Variants in AMMECR1 observed in about 807,000 individuals in gnomAD.
AMMECR1 encodes the protein AMMECR nuclear protein 1, also known as nuclear protein AMMECR1.
A neutral mutation model predicts 22.5 loss-of-function variants in AMMECR1; 3 were observed. The observed-to-expected ratio is 0.13, with a 90% confidence interval of 0.06 to 0.35. The LOEUF (loss-of-function observed/expected upper bound fraction) is 0.35, where lower values mean the gene tolerates loss of function less well. AMMECR1 is among the 10% of genes least tolerant of loss of function. The pLI is 1.00. For synonymous variants in AMMECR1, 130 were observed against 116.7 expected, an observed-to-expected ratio of 1.11 and a Z score of -0.74; for missense variants, 235 against 278.7, an observed-to-expected ratio of 0.84 and a Z score of 1.12.
chrX:110,379,756 A>G (rs2068405513), intron 2 of AMMECR1, among the ~76,000 whole-genome samples: 1 of 112,227 alleles, frequency 8.9e-6, no homozygotes, highest in East Asian at 2.8e-4. Flanking sequence ...AGACTTCCCA[A>G]TACCGATGAA....
chrX:110,229,887 G>A (rs1341827605), intron 2 of AMMECR1, among the ~76,000 whole-genome samples: 1 of 112,812 alleles, frequency 8.9e-6, no homozygotes, highest in Non-Finnish European at 1.9e-5. Context: ...CCACGCCCAC[G>A]GAGCCTTGCT....
At chrX:110,288,656 G>C (rs1016738603) in intron 1 of AMMECR1, among the ~76,000 whole-genome samples, 1 of 111,816 alleles carries the variant, frequency 8.9e-6, no homozygotes, top group Non-Finnish European at 1.9e-5. Context: ...TGAGCCTCTA[G>C]ATCACCACCC....
intron 2 of AMMECR1, among the ~76,000 whole-genome samples, chrX:110,420,891 G>A (rs916701054): frequency 9.0e-5 from 10 of 111,488 alleles, no homozygotes; most frequent in Non-Finnish European, 1.9e-4. Context: ...CTGCCCTACT[G>A]TGCCCCGTCC....
In AMMECR1 at chrX:110,299,153, T is replaced by C. The variant is rs189868544; in HGVS notation, c.473+18446A>G. ...GATGTTTTCTTTGCATTATAAACTA[T>C]GCAGTAACTCAAAAAGTGATACAAA... is the stretch of plus-strand genomic sequence containing the variant. On this transcript the variant is annotated intron_variant, in intron 1 of 5. Transcript: ENST00000262844. 3.8e-3 allele frequency among the ~76,000 whole-genome samples: 429 copies of C among 111,867 alleles called. 3 individuals carry two copies. The highest frequency in any genetic ancestry group is 0.013 in the African/African-American group (387 of 30,905).
chrX:110,301,408 G>A (rs769387579), intron 1 of AMMECR1, among the ~76,000 whole-genome samples: 2 of 112,539 alleles, frequency 1.8e-5, no homozygotes, highest in African/African-American at 6.4e-5. Flanking sequence ...CAGATACAGT[G>A]CTAAACAATT....
chrX:110,248,211 C>A, intron 2 of AMMECR1, among the ~76,000 whole-genome samples: 1 of 109,967 alleles, frequency 9.1e-6, no homozygotes, highest in Non-Finnish European at 1.9e-5. Context: ...ATGGCGAAAC[C>A]CTGTCTCTAC....
chrX:110,209,878 C>A (rs1298461501), intron 3 of AMMECR1, among the ~76,000 whole-genome samples: 1 of 109,598 alleles, frequency 9.1e-6, no homozygotes. Flanking sequence ...TGGGGACACA[C>A]ACACACACAC....
intron 1 of AMMECR1, among the ~76,000 whole-genome samples, chrX:110,299,585 A>G (rs1256558775): frequency 8.9e-6 from 1 of 112,071 alleles, no homozygotes; most frequent in Admixed American, 9.4e-5. Flanking sequence ...ATGTATACAC[A>G]CTGTGTATTA....
chrX:110,251,936 T>C (rs1256706282), intron 2 of AMMECR1, among the ~76,000 whole-genome samples: 3 of 112,015 alleles, frequency 2.7e-5, no homozygotes, highest in African/African-American at 9.7e-5. Context: ...TTGCTATAAA[T>C]ATATTTAAAA....
At chrX:110,241,532 C>T (rs973062044) in intron 2 of AMMECR1, among the ~76,000 whole-genome samples, 1 of 111,278 alleles carries the variant, frequency 9.0e-6, no homozygotes, top group Non-Finnish European at 1.9e-5. Context: ...AAACTGGAAA[C>T]CATCATTGTC....
intron 1 of AMMECR1, among the ~76,000 whole-genome samples, chrX:110,271,281 T>A (rs978990212): frequency 8.9e-6 from 1 of 112,527 alleles, no homozygotes; most frequent in Admixed American, 9.4e-5. Flanking sequence ...GACCAATCTT[T>A]CAATACTTTT....
chrX:110,317,758 G>T lies in AMMECR1; in HGVS notation c.314C>A (p.Ser105Tyr). The T allele has an allele frequency of 1.7e-6, 2 of 1,187,154 alleles. No individual in the cohort carries two copies. The highest frequency in any genetic ancestry group is 2.3e-6 in the Non-Finnish European group (2 of 882,533). ...GGCGGACGATGAGGAGGGTGAGGAA[G>T]AGGTGGCGGCGGCCGGGGTAGAAAG... ...TLLSTPAAATSSSPSSSSAAS... is the reference protein window; with the variant it reads ...TLLSTPAAATYSSPSSSSAAS... Residue 105 changes from serine (S) to tyrosine (Y), a missense_variant, in exon 1 of 6, where the codon TCT becomes TAT. Coordinates refer to ENST00000262844, the MANE Select transcript of AMMECR1 (RefSeq NM_015365.3).
chrX:110,205,639 T>G (rs1011143657), intron 3 of AMMECR1, among the ~76,000 whole-genome samples: 1 of 111,497 alleles, frequency 9.0e-6, no homozygotes, highest in African/African-American at 3.3e-5. Context: ...TACAGCCAGG[T>G]GGGTACAAAC....
At chrX:110,431,490 A>G (rs1489363264) in intron 1 of AMMECR1, among the ~76,000 whole-genome samples, 2 of 110,026 alleles carry the variant, frequency 1.8e-5, no homozygotes, top group African/African-American at 6.6e-5. Flanking sequence ...TTTTCTTTAT[A>G]TAAACAATTT....
At chrX:110,400,874 T>C (rs768288247) in intron 2 of AMMECR1, among the ~76,000 whole-genome samples, 1 of 111,859 alleles carries the variant, frequency 8.9e-6, no homozygotes, top group Non-Finnish European at 1.9e-5. Flanking sequence ...ATGTGGTAAA[T>C]GAATCAATGA....
chrX:110,288,946 T>C (rs756235675), intron 1 of AMMECR1, among the ~76,000 whole-genome samples: 1 of 111,761 alleles, frequency 8.9e-6, no homozygotes, highest in South Asian at 3.8e-4. Flanking sequence ...ACTCCACTCT[T>C]CTCTCTCTTG....
intron 2 of AMMECR1, among the ~76,000 whole-genome samples, chrX:110,386,130 C>A (rs2068453270): frequency 9.1e-6 from 1 of 110,203 alleles, no homozygotes; most frequent in African/African-American, 3.3e-5. Flanking sequence ...GTTTTTAAAT[C>A]TCTTGGGTAT....
intron 2 of AMMECR1, among the ~76,000 whole-genome samples, chrX:110,412,193 G>A (rs1203246031): frequency 8.9e-6 from 1 of 112,427 alleles, no homozygotes; most frequent in Non-Finnish European, 1.9e-5. Flanking sequence ...AGAATCTGGT[G>A]AAACAGCACA....
chrX:110,297,570 C>T (rs967501420), intron 1 of AMMECR1, among the ~76,000 whole-genome samples: 2 of 111,360 alleles, frequency 1.8e-5, no homozygotes, highest in African/African-American at 6.5e-5. Flanking sequence ...TAAAATACAA[C>T]AAATCTAACT....
Sources: gnomAD v4.1 joint callset for allele counts (sites outside exome capture counted in the v4.1 genomes callset) on GRCh38, gnomAD v4.1.1 for gene constraint, MANE v1.5 for transcripts, NCBI Gene and HGNC (gene_info 2026-07-23, HGNC 2026-07-21) for gene names.